The following ERC1 variants were observed in gnomAD, a reference collection of about 807,000 sequenced individuals.
The protein encoded by ERC1 is RAB6 interacting protein 2.
A neutral mutation model predicts 132.0 loss-of-function variants in ERC1; 56 were observed. That is an observed-to-expected ratio of 0.42 (90% CI 0.34 to 0.53). The LOEUF is 0.53. ERC1 is among the 20% of genes least tolerant of loss of function. ERC1 has a pLI of 0.03. For synonymous variants in ERC1, 478 were observed against 476.1 expected, an observed-to-expected ratio of 1.00 and a Z score of -0.05; for missense variants, 1,202 against 1,349.9, an observed-to-expected ratio of 0.89 and a Z score of 1.72.
chr12:1,219,954 A>AG (rs1162909900), intron 12 of ERC1, among the ~76,000 whole-genome samples: 5 of 152,214 alleles, frequency 3.3e-5, no homozygotes, highest in Admixed American at 3.3e-4. Context: ...GTGAAACCCA[A>AG]GCTCCTTCCA....
At chr12:1,429,274 A>G (rs1425085485) in intron 17 of ERC1, among the ~76,000 whole-genome samples, 1 of 152,188 alleles carries the variant, frequency 6.6e-6, no homozygotes, top group East Asian at 1.9e-4. Flanking sequence ...TGCTGTTGGT[A>G]TTCTAGAATC....
At chr12:1,273,735 GTGGATGGATGGA>G (rs1173090758) in intron 14 of ERC1, among the ~76,000 whole-genome samples, 3 of 152,104 alleles carry the variant, frequency 2.0e-5, no homozygotes, top group African/African-American at 7.2e-5. Context: ...AGATGGGTGG[GTGGATGGATGGA>G]TGGATGGTCG....
intron 1 of ERC1, chr12:998,543 T>G (rs1961434665): frequency 6.6e-6 from 1 of 152,238 alleles, no homozygotes; most frequent in Non-Finnish European, 1.5e-5. Flanking sequence ...ATCTCAGTGC[T>G]TCTGTCTTCA....
Position 1,392,759 on chromosome 12 carries a change from A to G in ERC1, c.2926-15390A>G, listed in dbSNP as rs375359932. ...GATAGATAATTTAAGATACTTTTCT[A>G]TAATTAACAACTTTTTTTAGAAAAG... On this transcript the variant is annotated intron_variant, in intron 16 of 18. Coordinates refer to ENST00000360905, the MANE Select transcript of ERC1 (RefSeq NM_178040.4). Among the ~76,000 whole-genome samples, 13 of 152,350 alleles carry G rather than the reference A, an allele frequency of 8.5e-5. No homozygotes were observed. In the South Asian group the frequency reaches 1.7e-3, roughly 19 times the overall value.
chr12:1,440,484 G>A (rs1479477376), intron 17 of ERC1, among the ~76,000 whole-genome samples: 4 of 148,622 alleles, frequency 2.7e-5, no homozygotes, highest in Admixed American at 6.7e-5. Flanking sequence ...GCGATTACAG[G>A]TGTGAGCCAC....
intron 2 of ERC1, among the ~76,000 whole-genome samples, chr12:1,044,727 T>C (rs1428375049): frequency 6.6e-6 from 1 of 152,166 alleles, no homozygotes; most frequent in East Asian, 1.9e-4. Context: ...ATGGGACCTA[T>C]AAAATTTTTT....
At chr12:1,454,802 A>G (rs1258422680) in intron 18 of ERC1, among the ~76,000 whole-genome samples, 1 of 152,212 alleles carries the variant, frequency 6.6e-6, no homozygotes, top group East Asian at 1.9e-4. Context: ...AATGTACAAT[A>G]CTGTTGAGTG....
chr12:1,210,111 T>C (rs530656249), intron 12 of ERC1, among the ~76,000 whole-genome samples: 6 of 152,296 alleles, frequency 3.9e-5, no homozygotes, highest in African/African-American at 1.4e-4. Flanking sequence ...AAATTTAGGG[T>C]GAGGCAACTG....
intron 18 of ERC1, among the ~76,000 whole-genome samples, chr12:1,461,484 GT>G (rs371254248): frequency 1.3e-5 from 2 of 152,070 alleles, no homozygotes; most frequent in East Asian, 3.9e-4. Context: ...CCTGGCCAAT[GT>G]GGGAAAATCC....
chr12:1,482,510 G>A (rs1193725719), intron 18 of ERC1, among the ~76,000 whole-genome samples: 5 of 152,066 alleles, frequency 3.3e-5, no homozygotes, highest in East Asian at 1.9e-4. Context: ...GCACTGGCGC[G>A]ATCTCGGCTC....
At chr12:1,356,865 C>T (rs9669360) in intron 15 of ERC1, among the ~76,000 whole-genome samples, 10,136 of 152,186 alleles carry the variant, frequency 0.067, 616 homozygotes, top group African/African-American at 0.15. Context: ...AAAAGGGACT[C>T]TTATAGTTTT....
At chr12:1,144,636 G>GTATATATATATATATA (rs1353092300) in intron 8 of ERC1, among the ~76,000 whole-genome samples, 1 of 137,708 alleles carries the variant, frequency 7.3e-6, no homozygotes, top group African/African-American at 3.2e-5. Flanking sequence ...ATATATATAC[G>GTATATATATATATATA]TGTATATATA....
At chr12:1,290,081 T>A in intron 15 of ERC1, 69 bp downstream of exon 15, 1 of 1,381,560 alleles carries the variant, frequency 7.2e-7, no homozygotes, top group South Asian at 1.2e-5. Flanking sequence ...TGCATTCATC[T>A]TCTGGCTCTG....
chr12:1,436,829 G>A (rs1386094954), intron 17 of ERC1, among the ~76,000 whole-genome samples: 2 of 152,132 alleles, frequency 1.3e-5, no homozygotes, highest in African/African-American at 4.8e-5. Context: ...GTCCTTGTAG[G>A]GCTGGCCTGC....
intron 14 of ERC1, among the ~76,000 whole-genome samples, chr12:1,277,627 A>G (rs563211641): frequency 6.6e-6 from 1 of 152,332 alleles, no homozygotes; most frequent in East Asian, 1.9e-4. Flanking sequence ...TGTTACAGAT[A>G]CAAACGTTAT....
In ERC1 at chr12:1,156,529, G is replaced by A. The variant is rs149799484; in HGVS notation, c.1737+14742G>A. Among the ~76,000 whole-genome samples the A allele has an allele frequency of 2.8e-3, 428 of 152,236 alleles. 6 individuals are homozygous for A. The highest frequency in any genetic ancestry group is 9.9e-3 in the African/African-American group (412 of 41,540). The stretch of plus-strand genomic sequence containing the variant: ...AGGGATTACATTTGTGAGCCACCAC[G>A]CCTGACCTCTTGTTGATTATAGTAG... On this transcript the variant is annotated intron_variant, in intron 8 of 18. Coordinates refer to ENST00000360905, the MANE Select transcript of ERC1 (RefSeq NM_178040.4).
intron 4 of ERC1, among the ~76,000 whole-genome samples, chr12:1,108,352 C>T (rs186268135): frequency 5.3e-5 from 8 of 152,210 alleles, no homozygotes; most frequent in East Asian, 3.9e-4. Flanking sequence ...GTACAGGTTC[C>T]GGCTGCCATG....
At position 1,347,151 on chromosome 12, in the gene ERC1, T is replaced by G. The variant is rs371668534; in HGVS notation, c.2781-24682T>G. Reference sequence around the variant, plus strand: ...ATGGACCTTCGTTGAAATGCATCATTGAAATACTAGCGTACATTTTAGGTA... The same window carrying G: ...ATGGACCTTCGTTGAAATGCATCATGGAAATACTAGCGTACATTTTAGGTA... On this transcript the variant is annotated intron_variant, in intron 15 of 18. Transcript: ENST00000360905. Among the ~76,000 whole-genome samples, 3 of 152,306 alleles carry G rather than the reference T, an allele frequency of 2.0e-5. No homozygotes were observed. The East Asian group carries it at 5.8e-4, about 29-fold the overall frequency.
chr12:1,217,445 C>G (rs969532327), intron 12 of ERC1, among the ~76,000 whole-genome samples: 1 of 152,192 alleles, frequency 6.6e-6, no homozygotes, highest in African/African-American at 2.4e-5. Context: ...AGAATGGGTT[C>G]TCTGCTTTGC....
Sources: allele counts gnomAD v4.1 joint callset (sites outside exome capture counted in the v4.1 genomes callset), GRCh38; gene constraint gnomAD v4.1.1; transcripts MANE v1.5; gene names NCBI Gene and HGNC (gene_info 2026-07-23, HGNC 2026-07-21).